The following CD3G variants were observed in gnomAD, a reference collection of about 807,000 sequenced individuals.
The protein encoded by CD3G is T-cell surface glycoprotein CD3 gamma chain.
CD3G carries 24 observed loss-of-function variants against 28.3 expected under a neutral mutation model. The ratio of observed to expected loss-of-function variants is 0.85; its 90% CI spans 0.61 to 1.19. The LOEUF is 1.19. Among genes scored for constraint, CD3G ranks in the 50% most tolerant of loss-of-function variants. The pLI, the probability that CD3G is intolerant of heterozygous loss-of-function variation, is 0.00. For missense variants in CD3G, 211 were observed against 210.0 expected (o/e 1.00, Z -0.03); for synonymous variants, 71 against 75.9 (o/e 0.93, Z 0.34).
Position 118,350,780 on chromosome 11 carries a change from T to TAGTACCAA in CD3G, c.439+97_439+98insAGTACCAA, listed in dbSNP as rs1175679570. The TAGTACCAA allele has an allele frequency of 1.9e-6, 3 of 1,604,058 alleles. No homozygotes were observed. In the African/African-American group the frequency reaches 4.0e-5, roughly 22 times the overall value. ...CAATGGAAGAGACTGAGTTGGTGCT[T>TAGTACCAA]CTTGCTAGTGTGCATAGTTGGGTGA... On this transcript the variant is annotated intron_variant, in intron 4 of 6. Transcript: ENST00000532917.
intron 5 of CD3G, 79 bp from the exon 6 acceptor site, chr11:118,352,325 A>C: frequency 8.2e-7 from 1 of 1,225,000 alleles, no homozygotes; most frequent in Admixed American, 1.7e-5. Flanking sequence ...CTCACATATA[A>C]AAAACATTCA....
intron 2 of CD3G, 23 bp downstream of exon 2, chr11:118,349,073 A>G (rs1452071498): frequency 1.2e-6 from 2 of 1,614,162 alleles, no homozygotes; most frequent in Non-Finnish European, 8.5e-7. Flanking sequence ...GCTTCTTTCT[A>G]TACTCAGACT....
At chr11:118,348,665 G>A (rs1235947108) in intron 1 of CD3G, among the ~76,000 whole-genome samples, 3 of 152,152 alleles carry the variant, frequency 2.0e-5, no homozygotes, top group African/African-American at 7.2e-5. Context: ...TTTCAAAGCT[G>A]CAATCCTCTT....
chr11:118,354,869 T>C lies in CD3G; in HGVS notation c.*1769T>C, dbSNP rs1948437439. On this transcript the variant is annotated 3_prime_UTR_variant, in exon 7 of 7. Transcript: ENST00000532917. ...TTTTTGATATAAGTCCTTTATCAGA[T>C]ATATGATTTGGAAATATTTTCTACC... The C allele has an allele frequency of 6.6e-6, 1 of 152,200 alleles. No individual in the cohort carries two copies. The highest frequency in any genetic ancestry group is 2.1e-4 in the South Asian group (1 of 4,834). The allele number at this position is 152,200 out of a possible 1,614,324, so 9.4% of individuals were successfully genotyped here.
chr11:118,352,869 C>A (rs1408937432), intron 6 of CD3G, among the ~76,000 whole-genome samples: 3 of 152,166 alleles, frequency 2.0e-5, no homozygotes, highest in African/African-American at 7.2e-5. Context: ...CCTCTCTCCA[C>A]CAGATGCTGG....
Position 118,349,918 on chromosome 11 carries a change from T to C in CD3G, c.255T>C (p.Tyr85=). The part of the protein sequence containing the change: ...GSNAKDPRGM[Y]QCKGSQNKSK... The stretch of plus-strand genomic sequence containing the variant: ...ATGCCAAGGACCCTCGAGGGATGTA[T>C]CAGTGTAAAGGATCACAGAACAAGT... Residue 85 remains tyrosine, a synonymous_variant, in exon 3 of 7, where the codon TAT becomes TAC. Coordinates refer to ENST00000532917, the MANE Select transcript of CD3G (RefSeq NM_000073.3). The C allele has an allele frequency of 6.2e-7, 1 of 1,614,096 alleles. No individual in the cohort carries two copies. The highest frequency in any genetic ancestry group is 1.7e-5 in the Admixed American group (1 of 60,022).
intron 1 of CD3G, among the ~76,000 whole-genome samples, chr11:118,345,431 A>C (rs1948346713): frequency 6.6e-6 from 1 of 152,202 alleles, no homozygotes. Flanking sequence ...CAGTTTCAGC[A>C]GGGTATTGTG....
At chr11:118,344,976 G>T (rs960719612) in intron 1 of CD3G, among the ~76,000 whole-genome samples, 1 of 152,334 alleles carries the variant, frequency 6.6e-6, no homozygotes, top group Non-Finnish European at 1.5e-5. Flanking sequence ...TCATTGGAGA[G>T]ATTAGTTTTC....
At chr11:118,349,229 T>G (rs1375516256) in intron 2 of CD3G, 179 bp downstream of exon 2, 1 of 1,540,952 alleles carries the variant, frequency 6.5e-7, no homozygotes, top group Admixed American at 1.9e-5. Flanking sequence ...CCGGGCAGCT[T>G]GCCTGTAGCT....
chr11:118,344,487 C>T lies in CD3G; in HGVS notation c.55+9C>T, dbSNP rs1948336832. ...TATCATTCTTCTTCAAGGTAAGGGC[C>T]TACTAGGGGTCTGGAAGCCTGGGGA... is the stretch of plus-strand genomic sequence containing the variant. On this transcript the variant is annotated intron_variant, in intron 1 of 6. Transcript: ENST00000532917. 4 of 1,560,674 alleles carry T rather than the reference C, an allele frequency of 2.6e-6. No homozygotes were observed. Among genetic ancestry groups the T allele is most frequent in the Non-Finnish European group, 3.5e-6 (4 of 1,151,174 alleles).
chr11:118,350,985 G>A (rs1389252865), intron 4 of CD3G: 2 of 636,380 alleles, frequency 3.1e-6, no homozygotes, highest in South Asian at 2.3e-5. Context: ...TCAGGAGATC[G>A]AGACCATCCT....
chr11:118,350,397 T>C (rs1948395888), intron 3 of CD3G, among the ~76,000 whole-genome samples, 155 bp from the exon 4 acceptor site: 1 of 152,120 alleles, frequency 6.6e-6, no homozygotes, highest in Non-Finnish European at 1.5e-5. Flanking sequence ...TCAAGATGCA[T>C]TGAGTTTTGG....
intron 3 of CD3G, 99 bp downstream of exon 3, chr11:118,350,069 C>G (rs1948392645): frequency 1.2e-6 from 1 of 869,468 alleles, no homozygotes; most frequent in East Asian, 2.6e-5. Context: ...AGATCCTCAA[C>G]AGTAATATTA....
Position 118,345,801 on chromosome 11 carries a change from G to A in CD3G, c.55+1323G>A, listed in dbSNP as rs186451655. On this transcript the variant is annotated intron_variant, in intron 1 of 6. Transcript: ENST00000532917. ...TATAAAGGGAAAGGAAGCTAAAGGA[G>A]AAAGGACAATAACAACTTCCGTGTT... Among the ~76,000 whole-genome samples, 42 of 152,310 alleles carry A rather than the reference G, an allele frequency of 2.8e-4. 2 individuals carry two copies. The East Asian group carries it at 7.9e-3, about 29-fold the overall frequency.
At chr11:118,352,319 C>A in intron 5 of CD3G, 85 bp from the exon 6 acceptor site, 1 of 1,134,440 alleles carries the variant, frequency 8.8e-7, no homozygotes, top group Non-Finnish European at 1.3e-6. Flanking sequence ...CAAATTCTCA[C>A]ATATAAAAAA....
intron 1 of CD3G, among the ~76,000 whole-genome samples, chr11:118,346,596 A>T (rs997137020): frequency 4.6e-5 from 7 of 152,240 alleles, no homozygotes; most frequent in African/African-American, 1.2e-4. Flanking sequence ...AGGGAGGATC[A>T]TTTGAGCCCA....
In CD3G at chr11:118,349,849, C is replaced by T. The variant is rs1270313183; in HGVS notation, c.186C>T (p.Ile62=). The T allele has an allele frequency of 1.2e-6, 2 of 1,613,912 alleles. No individual in the cohort carries two copies. The highest frequency in any genetic ancestry group is 2.2e-5 in the East Asian group (1 of 44,878). ...NITWFKDGKM[I]GFLTEDKKKW... is the part of the protein sequence containing the mutation. The stretch of plus-strand genomic sequence containing the variant: ...CATGGTTTAAAGATGGGAAGATGAT[C>T]GGCTTCCTAACTGAAGATAAAAAAA... The change falls in exon 3 of 7, where the codon ATC becomes ATT. Residue 62 remains isoleucine (I), a synonymous_variant. Coordinates refer to ENST00000532917, the MANE Select transcript of CD3G (RefSeq NM_000073.3).
rs762906399 is a variant in CD3G, at chr11:118,349,767, A to G, written c.104A>G (p.Asp35Gly). 1 of 1,614,028 alleles carries G rather than the reference A, an allele frequency of 6.2e-7. No individual in the cohort carries two copies. Among genetic ancestry groups the G allele is most frequent in the South Asian group, 1.1e-5 (1 of 91,078 alleles). The change falls in exon 3 of 7, where the codon GAC becomes GGC. Residue 35 changes from aspartate (D) to glycine (G), a missense_variant. By Grantham distance (94) the Asp-to-Gly change is moderately conservative (BLOSUM62 -1). Transcript: ENST00000532917. ...GGAAACCACTTGGTTAAGGTGTATG[A>G]CTATCAAGAAGATGGTTCGGTACTT... ...IKGNHLVKVY[D>G]YQEDGSVLLT...
intron 3 of CD3G, chr11:118,350,182 CT>C: frequency 3.3e-6 from 2 of 598,394 alleles, no homozygotes; most frequent in Non-Finnish European, 5.9e-6. Flanking sequence ...TTTTGTTTAC[CT>C]TTGGGTGGGC....
Sources: allele counts gnomAD v4.1 joint callset (sites outside exome capture counted in the v4.1 genomes callset), GRCh38; gene constraint gnomAD v4.1.1; transcripts MANE v1.5; gene names NCBI Gene and HGNC (gene_info 2026-07-23, HGNC 2026-07-21).